The following TMEM67 variants were observed in gnomAD, a reference collection of about 807,000 sequenced individuals.
The protein encoded by TMEM67 is transmembrane protein 67.
Under a neutral mutation model 136.6 loss-of-function variants are expected in TMEM67, and 124 were observed. The ratio of observed to expected loss-of-function variants is 0.91; its 90% CI spans 0.78 to 1.05. The LOEUF is 1.05. Ranked by LOEUF, TMEM67 falls within the 50% of genes least tolerant of loss-of-function variation. The pLI, the probability that TMEM67 is intolerant of heterozygous loss-of-function variation, is 0.00. For missense variants in TMEM67, 1,107 were observed against 1,178.4 expected (o/e 0.94, Z 0.89); for synonymous variants, 364 against 390.5 (o/e 0.93, Z 0.80).
rs1389340635 is a variant in TMEM67, at chr8:93,803,622, T to C, written c.2260T>C (p.Phe754Leu). The change falls in exon 22 of 28, where the codon TTT becomes CTT. Residue 754 changes from phenylalanine to leucine, a missense_variant. Around this residue, in one of 3 missense-constraint regions of TMEM67, gnomAD observed 925 missense variants for 1,002.4 expected, o/e 0.92. Coordinates refer to ENST00000453321, the MANE Select transcript of TMEM67 (RefSeq NM_153704.6). ...GIIQVVFFAVFYERFIEDKIR... is the reference protein window; with the variant it reads ...GIIQVVFFAVLYERFIEDKIR... ...GTTTCAGGTCGTGTTCTTTGCTGTC[T>C]TTTATGAGAGATTTATAGAAGATAA... 1 of 1,601,684 alleles carries C rather than the reference T, an allele frequency of 6.2e-7. No homozygotes were observed. Among genetic ancestry groups the C allele is most frequent in the Non-Finnish European group, 8.6e-7 (1 of 1,169,076 alleles).
chr8:93,782,957 TG>T (rs374889303), intron 11 of TMEM67, among the ~76,000 whole-genome samples: 4 of 152,094 alleles, frequency 2.6e-5, no homozygotes, highest in African/African-American at 9.7e-5. Context: ...TTAATTTAAG[TG>T]GCATAAACAG....
chr8:93,787,789 T>A, intron 13 of TMEM67, 55 bp from the exon 14 acceptor site: 1 of 1,308,418 alleles, frequency 7.6e-7, no homozygotes, highest in East Asian at 2.3e-5. Context: ...AAGTTAAATG[T>A]ATGTTTAAAG....
In TMEM67 at chr8:93,781,710, T is replaced by C. The variant is rs761141498; in HGVS notation, c.1031T>C (p.Leu344Pro). The C allele has an allele frequency of 5.0e-6, 8 of 1,610,716 alleles. No individual in the cohort carries two copies. Among genetic ancestry groups the C allele is most frequent in the African/African-American group, 2.7e-5 (2 of 74,834 alleles). Reference sequence around the variant, plus strand: ...TCCTATGATATAAGAGGAAATTTTCTCAAGTGGCAAACTTTAGAAGGAGGT... The same window carrying C: ...TCCTATGATATAAGAGGAAATTTTCCCAAGTGGCAAACTTTAGAAGGAGGT... ...AASYDIRGNFLKWQTLEGGVL... is the reference protein window; with the variant it reads ...AASYDIRGNFPKWQTLEGGVL... The change falls in exon 10 of 28, where the codon CTC (leucine) becomes CCC (proline). Residue 344 changes from leucine (L) to proline (P), a missense_variant. Leu to Pro is a moderately conservative substitution (Grantham distance 98). This residue lies in a region of TMEM67 where 925 missense variants were observed against 1,002.4 expected (regional missense o/e 0.92). Coordinates refer to ENST00000453321, the MANE Select transcript of TMEM67 (RefSeq NM_153704.6).
intron 16 of TMEM67, chr8:93,795,185 G>A (rs1814550966): frequency 1.7e-6 from 1 of 590,376 alleles, no homozygotes; most frequent in Non-Finnish European, 3.0e-6. Context: ...AAGATGAGAA[G>A]AGTTGAAAGA....
intron 14 of TMEM67, among the ~76,000 whole-genome samples, chr8:93,789,349 A>G (rs1814265430): frequency 6.6e-6 from 1 of 152,144 alleles, no homozygotes. Flanking sequence ...CTGTAATGAG[A>G]GGAGAAGAAA....
At chr8:93,798,474 C>A (rs561608916) in intron 20 of TMEM67, among the ~76,000 whole-genome samples, 9 of 152,312 alleles carry the variant, frequency 5.9e-5, no homozygotes, top group Admixed American at 2.0e-4. Context: ...GAACAAAACA[C>A]AACATGTTTG....
chr8:93,795,071 C>T lies in TMEM67; in HGVS notation c.1675-338C>T, dbSNP rs190859877. On this transcript the variant is annotated intron_variant, in intron 16 of 27. Coordinates refer to ENST00000453321, the MANE Select transcript of TMEM67 (RefSeq NM_153704.6). ...AAGGGGAGTGACACAATCCAATTTA[C>T]ATCTTAGAAAACTAACTCTGGTGGT... 2.9e-3 allele frequency: 938 copies of T among 328,512 alleles called. 4 individuals are homozygous for T. The highest frequency in any genetic ancestry group is 0.018 in the African/African-American group (857 of 47,028). The allele number at this position is 328,512 out of a possible 1,614,324, so 20.3% of individuals were successfully genotyped here.
chr8:93,794,534 C>T (rs752266126), intron 16 of TMEM67, among the ~76,000 whole-genome samples: 2 of 152,126 alleles, frequency 1.3e-5, no homozygotes, highest in African/African-American at 2.4e-5. Context: ...ATTTTTGCAA[C>T]TCAGTAATAG....
chr8:93,807,991 T>C (rs907015076), intron 23 of TMEM67, among the ~76,000 whole-genome samples: 1 of 151,870 alleles, frequency 6.6e-6, no homozygotes, highest in Non-Finnish European at 1.5e-5. Flanking sequence ...CTATGTTTTA[T>C]TGGAATTAAT....
Position 93,804,869 on chromosome 8 carries a change from A to C in TMEM67, c.2430A>C (p.Lys810Asn), listed in dbSNP as rs1815062869. The C allele has an allele frequency of 6.5e-7, 1 of 1,547,884 alleles. No homozygotes were observed. Among genetic ancestry groups the C allele is most frequent in the Non-Finnish European group, 8.9e-7 (1 of 1,119,986 alleles). Residue 810 changes from lysine to asparagine, a missense_variant, in exon 23 of 28, where the codon AAA becomes AAC. Lys to Asn is a moderately conservative substitution (Grantham distance 94, BLOSUM62 0). This residue lies in a region of TMEM67 where 925 missense variants were observed against 1,002.4 expected (regional missense o/e 0.92). Coordinates refer to ENST00000453321, the MANE Select transcript of TMEM67 (RefSeq NM_153704.6). ...TNMEEMNMNL[K>N]REAENLCSQR... ...TGGAAGAAATGAATATGAACCTTAAAAGAGAAGCGGTATGAAAATGTTTTA... is the reference window on the plus strand; with the variant it reads ...TGGAAGAAATGAATATGAACCTTAACAGAGAAGCGGTATGAAAATGTTTTA...
chr8:93,808,948 C>A lies in TMEM67; in HGVS notation c.2548C>A (p.Leu850Ile). The A allele has an allele frequency of 6.3e-7, 1 of 1,593,012 alleles. No homozygotes were observed. Among genetic ancestry groups the A allele is most frequent in the Non-Finnish European group, 8.6e-7 (1 of 1,161,082 alleles). ...RQHYDRIHET[L>I]IRKNGPARLL... Reference sequence around the variant, plus strand: ...ACATTATGACAGAATTCATGAGACACTAATAAGGGTTTGTATAAAGTACAG... The same window carrying A: ...ACATTATGACAGAATTCATGAGACAATAATAAGGGTTTGTATAAAGTACAG... Residue 850 changes from leucine (L) to isoleucine (I), a missense_variant, in exon 24 of 28, where the codon CTA (leucine) becomes ATA (isoleucine). Physicochemically the swap from Leu to Ile is conservative, Grantham distance 5. Around this residue, in one of 3 missense-constraint regions of TMEM67, gnomAD observed 925 missense variants for 1,002.4 expected, o/e 0.92. Transcript: ENST00000453321.
rs1174323452 is a variant in TMEM67, at chr8:93,786,267, G to C, written c.1333G>C (p.Val445Leu). The C allele has an allele frequency of 6.2e-7, 1 of 1,614,032 alleles. No individual in the cohort carries two copies. The highest frequency in any genetic ancestry group is 1.7e-5 in the Admixed American group (1 of 60,024). ...KWLLTRRIFL[V>L]DAVSGRENDL... Reference sequence around the variant, plus strand: ...GCTTCTAACTCGGCGCATTTTCTTAGTGGATGCAGTAAGTGGACGAGAAAA... The same window carrying C: ...GCTTCTAACTCGGCGCATTTTCTTACTGGATGCAGTAAGTGGACGAGAAAA... Residue 445 changes from valine to leucine, a missense_variant, in exon 13 of 28, where the codon GTG (valine) becomes CTG (leucine). This residue lies in a region of TMEM67 where 925 missense variants were observed against 1,002.4 expected (regional missense o/e 0.92). Transcript: ENST00000453321.
chr8:93,809,457 G>A (rs1056261368), intron 25 of TMEM67, among the ~76,000 whole-genome samples: 3 of 151,986 alleles, frequency 2.0e-5, no homozygotes, highest in African/African-American at 7.2e-5. Context: ...TGTCTGCACT[G>A]GAATTTTGTT....
chr8:93,763,679 A>C (rs571165863), intron 3 of TMEM67, among the ~76,000 whole-genome samples, 163 bp from the exon 4 acceptor site: 3 of 152,180 alleles, frequency 2.0e-5, no homozygotes, highest in African/African-American at 7.2e-5. Context: ...ACTTCTCTAC[A>C]CTTTATTATG....
rs149786276 is a variant in TMEM67, at chr8:93,809,847, G to A, written c.2724G>A (p.Met908Ile). The change falls in exon 26 of 28, where the codon ATG becomes ATA. Residue 908 changes from methionine (M) to isoleucine (I), a missense_variant. Coordinates refer to ENST00000453321, the MANE Select transcript of TMEM67 (RefSeq NM_153704.6). ...TGCTTCTTGAAAGAATTCTTGGAAT[G>A]GAATTCATGGAACCAATGGAAAAAA... ...DKLLLERILG[M>I]EFMEPMEKSI... 5 of 1,608,360 alleles carry A rather than the reference G, an allele frequency of 3.1e-6. No homozygotes were observed. In the African/African-American group the frequency reaches 5.3e-5, roughly 17 times the overall value.
intron 3 of TMEM67, 167 bp downstream of exon 3, chr8:93,758,743 A>G (rs746907443): frequency 1.3e-5 from 8 of 609,998 alleles, no homozygotes; most frequent in Admixed American, 8.5e-5. Context: ...GACTGCACAC[A>G]TAACACCACT....
At chr8:93,778,572 T>G (rs577251692) in intron 7 of TMEM67, among the ~76,000 whole-genome samples, 13 of 152,332 alleles carry the variant, frequency 8.5e-5, no homozygotes, top group African/African-American at 3.1e-4. Flanking sequence ...TCTCTCAACC[T>G]TTGCTTGTCT....
At position 93,804,774 on chromosome 8, in the gene TMEM67, C is replaced by G. The variant is rs762351497; in HGVS notation, c.2335C>G (p.Leu779Val). The G allele has an allele frequency of 9.4e-6, 15 of 1,588,786 alleles. No individual in the cohort carries two copies. Among genetic ancestry groups the G allele is most frequent in the Non-Finnish European group, 1.3e-5 (15 of 1,158,026 alleles). Reference sequence around the variant, plus strand: ...TCTCTTTTTATAGATATCAGTGTTTCTGTTATCCCACAAATGTTTTGGATA... The same window carrying G: ...TCTCTTTTTATAGATATCAGTGTTTGTGTTATCCCACAAATGTTTTGGATA... ...LCSMSNISVF[L>V]LSHKCFGYYI... is the part of the protein sequence containing the mutation. The change falls in exon 23 of 28, where the codon CTG (leucine) becomes GTG (valine). Residue 779 changes from leucine to valine, a missense_variant. Leu to Val is a conservative substitution (Grantham distance 32). This residue lies in a region of TMEM67 where 925 missense variants were observed against 1,002.4 expected (regional missense o/e 0.92). Coordinates refer to ENST00000453321, the MANE Select transcript of TMEM67 (RefSeq NM_153704.6).
At chr8:93,782,336 C>T in intron 10 of TMEM67, 59 bp from the exon 11 acceptor site, 3 of 1,370,160 alleles carry the variant, frequency 2.2e-6, no homozygotes, top group Non-Finnish European at 3.1e-6. Context: ...TTTGAGAACT[C>T]TTGAGTATAA....
Sources: allele counts gnomAD v4.1 joint callset (sites outside exome capture counted in the v4.1 genomes callset), GRCh38; gene constraint gnomAD v4.1.1; regional missense constraint gnomAD v4.1.1; transcripts MANE v1.5; gene names NCBI Gene and HGNC (gene_info 2026-07-23, HGNC 2026-07-21).